RB1: variants seen among roughly 807,000 people sequenced by gnomAD.
The protein encoded by RB1 is retinoblastoma-associated protein.
Under a neutral mutation model 135.4 loss-of-function variants are expected in RB1, and 18 were observed. The ratio of observed to expected loss-of-function variants is 0.13; its 90% confidence interval spans 0.09 to 0.20. The LOEUF is 0.20. Ranked by LOEUF, RB1 falls within the 10% of genes least tolerant of loss-of-function variation. RB1 has a pLI of 1.00. For missense variants in RB1, 868 were observed against 1,110.0 expected (o/e 0.78, Z 3.10); for synonymous variants, 365 against 373.2 (o/e 0.98, Z 0.25).
chr13:48,325,529 TAA>T (rs1277335639), intron 2 of RB1, among the ~76,000 whole-genome samples: 1 of 152,180 alleles, frequency 6.6e-6, no homozygotes, highest in Non-Finnish European at 1.5e-5. Context: ...GTATAAACAG[TAA>T]AAAGTCTCCT....
At chr13:48,390,110 G>A (rs957850392) in intron 17 of RB1, among the ~76,000 whole-genome samples, 1 of 152,118 alleles carries the variant, frequency 6.6e-6, no homozygotes, top group Non-Finnish European at 1.5e-5. Flanking sequence ...TTGCACCACA[G>A]CACACCAGCC....
chr13:48,360,906 A>G (rs1238751393), intron 7 of RB1, among the ~76,000 whole-genome samples: 1 of 152,098 alleles, frequency 6.6e-6, no homozygotes, highest in African/African-American at 2.4e-5. Context: ...ATAATAGATA[A>G]CATGGAAGTT....
At chr13:48,314,489 AT>A (rs1365315477) in intron 2 of RB1, among the ~76,000 whole-genome samples, 1 of 151,888 alleles carries the variant, frequency 6.6e-6, no homozygotes. Context: ...AATAAAATCT[AT>A]TTTTTTTGGA....
In RB1 at chr13:48,452,978, T is replaced by C; in HGVS notation, c.1696-15T>C. 1 of 1,611,560 alleles carries C rather than the reference T, an allele frequency of 6.2e-7. No individual in the cohort carries two copies. The highest frequency in any genetic ancestry group is 1.3e-5 in the African/African-American group (1 of 75,040). On this transcript the variant is annotated splice_polypyrimidine_tract_variant and intron_variant, in intron 17 of 26. Transcript: ENST00000267163. The stretch of plus-strand genomic sequence containing the variant: ...GCTTACTAATGTGGTTTTAATTTCA[T>C]CATGTTTCATATAGGATTCACCTTT...
rs974466753 is a variant in RB1 at position 48,480,273 on chromosome 13, T to G, written c.*202T>G. 4 of 582,932 alleles carry G rather than the reference T, an allele frequency of 6.9e-6. No homozygotes were observed. In the African/African-American group the frequency reaches 7.5e-5, roughly 11 times the overall value. The allele number at this position is 582,932 out of a possible 1,614,324, so 36.1% of individuals were successfully genotyped here. ...GTTAGTCATTGTTATTTATACAAGATTGAAAATCTTGTGTAAATCCTGCCA... is the reference window on the plus strand; with the variant it reads ...GTTAGTCATTGTTATTTATACAAGAGTGAAAATCTTGTGTAAATCCTGCCA... On this transcript the variant is annotated 3_prime_UTR_variant, in exon 27 of 27. Coordinates refer to ENST00000267163, the MANE Select transcript of RB1 (RefSeq NM_000321.3).
At chr13:48,360,566 G>C (rs1032010071) in intron 7 of RB1, 6 of 165,428 alleles carry the variant, frequency 3.6e-5, no homozygotes, top group African/African-American at 1.4e-4. Flanking sequence ...TATTCTAAGG[G>C]AACAGCTTAA....
At chr13:48,382,268 T>A (rs1948541980) in intron 17 of RB1, among the ~76,000 whole-genome samples, 1 of 152,152 alleles carries the variant, frequency 6.6e-6, no homozygotes, top group South Asian at 2.1e-4. Context: ...TGGTTTTAGA[T>A]CCTTGAGGAA....
At chr13:48,360,783 A>G (rs1207748649) in intron 7 of RB1, 4 of 152,148 alleles carry the variant, frequency 2.6e-5, no homozygotes, top group Non-Finnish European at 5.9e-5. Flanking sequence ...TCATGGCTTC[A>G]AGAGTAGGAT....
chr13:48,456,080 A>C (rs904997918), intron 18 of RB1, 124 bp from the exon 19 acceptor site: 2 of 1,484,914 alleles, frequency 1.3e-6, no homozygotes, highest in African/African-American at 2.8e-5. Flanking sequence ...CTTGCATTTA[A>C]ATAGTCTGCT....
At chr13:48,361,664 A>T (rs375070678) in intron 7 of RB1, among the ~76,000 whole-genome samples, 36 of 152,240 alleles carry the variant, frequency 2.4e-4, no homozygotes, top group African/African-American at 4.3e-4. Flanking sequence ...TAATTAAAAA[A>T]TTTTTTTACA....
At chr13:48,350,337 CAATAG>C (rs1358540115) in intron 6 of RB1, among the ~76,000 whole-genome samples, 1 of 151,832 alleles carries the variant, frequency 6.6e-6, no homozygotes, top group African/African-American at 2.4e-5. Context: ...TCTCTGATCA[CAATAG>C]AATAAAACTA....
intron 17 of RB1, among the ~76,000 whole-genome samples, chr13:48,431,398 T>G (rs1949128288): frequency 6.6e-6 from 1 of 152,184 alleles, no homozygotes; most frequent in African/African-American, 2.4e-5. Context: ...AAAAACATAT[T>G]TTGACTTTAG....
chr13:48,368,993 C>T (rs1012900374), intron 11 of RB1, among the ~76,000 whole-genome samples: 6 of 151,462 alleles, frequency 4.0e-5, no homozygotes, highest in South Asian at 2.1e-4. Context: ...GTGACAAGAG[C>T]GAAACTCCGT....
rs541832470 is a variant in RB1 at position 48,361,733 on chromosome 13, ACT to A, written c.719-1079_719-1078del. On this transcript the variant is annotated intron_variant, in intron 7 of 26. Transcript: ENST00000267163. ...TGTGTTTGGTTGACATGTTTTAAAAACTCTTTTAAAAGTTTCTCTTCCATCCT... is the reference window on the plus strand; with the variant it reads ...TGTGTTTGGTTGACATGTTTTAAAAACTTTTAAAAGTTTCTCTTCCATCCT... 2.5e-3 allele frequency among the ~76,000 whole-genome samples: 374 copies of A among 149,898 alleles called. 2 individuals carry two copies. The highest frequency in any genetic ancestry group is 8.5e-3 in the African/African-American group (347 of 40,836).
intron 17 of RB1, chr13:48,404,187 G>A (rs998896108): frequency 1.3e-5 from 2 of 152,124 alleles, no homozygotes; most frequent in South Asian, 2.1e-4. Flanking sequence ...TTACAGACAC[G>A]GGGCTAGGGT....
At chr13:48,451,464 T>A (rs968166473) in intron 17 of RB1, among the ~76,000 whole-genome samples, 3 of 152,236 alleles carry the variant, frequency 2.0e-5, no homozygotes, top group Non-Finnish European at 4.4e-5. Context: ...ATTCTGGGGA[T>A]GAAGCCAGCT....
At chr13:48,454,342 T>C (rs994306127) in intron 18 of RB1, among the ~76,000 whole-genome samples, 4 of 152,240 alleles carry the variant, frequency 2.6e-5, no homozygotes, top group African/African-American at 9.6e-5. Context: ...TTTCCAGAGA[T>C]GTCATTTTCA....
At chr13:48,374,433 A>G (rs399413) in intron 12 of RB1, among the ~76,000 whole-genome samples, 87,074 of 152,022 alleles carry the variant, frequency 0.57, 29,087 homozygotes, top group Non-Finnish European at 0.73. Flanking sequence ...GTACTTGTTA[A>G]CAATTCATTC....
intron 11 of RB1, among the ~76,000 whole-genome samples, chr13:48,371,355 C>G (rs1480700254): frequency 6.6e-6 from 1 of 152,146 alleles, no homozygotes; most frequent in East Asian, 1.9e-4. Context: ...TTAGAATAAC[C>G]TGAGGAATTT....
Sources: allele counts gnomAD v4.1 joint callset (sites outside exome capture counted in the v4.1 genomes callset), GRCh38; gene constraint gnomAD v4.1.1; transcripts MANE v1.5; gene names NCBI Gene and HGNC (gene_info 2026-07-23, HGNC 2026-07-21).